MEIOB: variants seen among roughly 807,000 people sequenced by gnomAD.
MEIOB encodes the protein meiosis-specific with OB domain-containing protein.
In MEIOB, 50 loss-of-function variants were observed where a neutral mutation model predicts 53.1. That is an observed-to-expected ratio of 0.94 (90% CI 0.75 to 1.19). MEIOB has a LOEUF of 1.19. MEIOB is among the 50% of genes most tolerant of loss of function. The pLI is 0.00. For missense variants in MEIOB, 551 were observed against 550.8 expected (o/e 1.00, Z 0.00); for synonymous variants, 192 against 182.5 (o/e 1.05, Z -0.42).
At chr16:1,849,747 A>C (rs1899115815) in intron 9 of MEIOB, among the ~76,000 whole-genome samples, 1 of 152,124 alleles carries the variant, frequency 6.6e-6, no homozygotes, top group South Asian at 2.1e-4. Context: ...TGTTTCCTTG[A>C]CAGAATAAAT....
chr16:1,850,962 A>G (rs183507832), intron 9 of MEIOB, among the ~76,000 whole-genome samples: 1 of 152,116 alleles, frequency 6.6e-6, no homozygotes, highest in African/African-American at 2.4e-5. Context: ...TAAATAAACC[A>G]TACATAGTAC....
chr16:1,863,046 T>C (rs902143238), intron 3 of MEIOB, among the ~76,000 whole-genome samples: 1 of 151,960 alleles, frequency 6.6e-6, no homozygotes, highest in Non-Finnish European at 1.5e-5. Flanking sequence ...CTGGGCAACA[T>C]AGAAGGACAC....
intron 3 of MEIOB, 65 bp downstream of exon 3, chr16:1,865,713 T>A: frequency 8.7e-7 from 1 of 1,148,844 alleles, no homozygotes; most frequent in East Asian, 2.6e-5. Context: ...CACTTCAATA[T>A]ACTTTGTTGT....
In MEIOB at chr16:1,872,094, T is replaced by C. The variant is rs1899772727; in HGVS notation, c.-111A>G. On this transcript the variant is annotated 5_prime_UTR_variant, in exon 1 of 14. Coordinates refer to ENST00000325962, the MANE Select transcript of MEIOB (RefSeq NM_001163560.3). ...CCCCGGGTCGCCCGCGCTTCGCGGC[T>C]TCTCCACAGGACGCTCGGGCCACAG... The C allele has an allele frequency of 6.6e-6, 1 of 151,434 alleles. No homozygotes were observed. The highest frequency in any genetic ancestry group is 2.1e-4 in the South Asian group (1 of 4,816). 9.4% of individuals were successfully genotyped at this position (151,434 alleles called of 1,614,324 possible). A position where few individuals can be genotyped will look rare whatever the true frequency, so the allele number is the denominator to read the frequency against.
chr16:1,863,974 G>A (rs1040350075), intron 3 of MEIOB, among the ~76,000 whole-genome samples: 1 of 152,068 alleles, frequency 6.6e-6, no homozygotes, highest in Non-Finnish European at 1.5e-5. Flanking sequence ...GGGCAACAAA[G>A]TGAGACCCTC....
In MEIOB at chr16:1,862,025, G is replaced by A; in HGVS notation, c.219C>T (p.Tyr73=). 6.4e-7 allele frequency: 1 copy of A among 1,551,452 alleles called. No homozygotes were observed. Among genetic ancestry groups the A allele is most frequent in the South Asian group, 1.2e-5 (1 of 84,038 alleles). The change falls in exon 4 of 14, where the codon TAC becomes TAT. Residue 73 remains tyrosine, a synonymous_variant. Transcript: ENST00000325962. ...VNAASWGNED[Y]IKSLSDSFRV... is the part of the protein sequence containing the mutation. The stretch of plus-strand genomic sequence containing the variant: ...TAAAGCTGTCAGAAAGAGACTTGAT[G>A]TAATCTTCATTGCCCCAGGAAGCTG...
intron 9 of MEIOB, among the ~76,000 whole-genome samples, chr16:1,851,720 T>C (rs9921618): frequency 0.13 from 19,700 of 152,222 alleles, 1,286 homozygotes; most frequent in East Asian, 0.17. Context: ...AGTAATTCTA[T>C]CTTTTAAAAA....
chr16:1,853,650 T>C (rs1657117), intron 7 of MEIOB, among the ~76,000 whole-genome samples: 125,888 of 152,168 alleles, frequency 0.83, 52,205 homozygotes, highest in Middle Eastern at 0.9. Context: ...GTTGAAGACA[T>C]TTTTGAAATC....
intron 2 of MEIOB, among the ~76,000 whole-genome samples, chr16:1,867,102 T>A (rs1596986748): frequency 6.6e-6 from 1 of 152,174 alleles, no homozygotes; most frequent in African/African-American, 2.4e-5. Flanking sequence ...AATTTTAAAT[T>A]ATTAAAGTTA....
At chr16:1,871,482 G>A (rs1434391407) in intron 1 of MEIOB, among the ~76,000 whole-genome samples, 1 of 130,614 alleles carries the variant, frequency 7.7e-6, no homozygotes, top group Non-Finnish European at 1.6e-5. Context: ...GCCTCCCAAA[G>A]TGCTGGGATT....
intron 13 of MEIOB, 175 bp downstream of exon 13, chr16:1,837,609 T>C: frequency 2.1e-6 from 1 of 466,078 alleles, no homozygotes; most frequent in East Asian, 3.3e-5. Context: ...CTTTATACAA[T>C]ATGAAAAAAC....
At chr16:1,857,588 T>C (rs1899338136) in intron 6 of MEIOB, 147 bp downstream of exon 6, 1 of 584,690 alleles carries the variant, frequency 1.7e-6, no homozygotes, top group Admixed American at 3.5e-5. Context: ...TAATGAGAAG[T>C]GTTACTGTTT....
At chr16:1,849,785 G>A (rs1002388396) in intron 9 of MEIOB, among the ~76,000 whole-genome samples, 5 of 152,064 alleles carry the variant, frequency 3.3e-5, no homozygotes, top group African/African-American at 7.2e-5. Flanking sequence ...GCTGTACAAC[G>A]TAGTAGCTAT....
rs564902812 is a variant in MEIOB at position 1,846,146 on chromosome 16, G to C, written c.779-1183C>G. ...CAAGTAAAAGGCATTCAAAAATACT[G>C]ATAAGGTCATGGGCGAATGAATGAA... On this transcript the variant is annotated intron_variant, in intron 9 of 13. Coordinates refer to ENST00000325962, the MANE Select transcript of MEIOB (RefSeq NM_001163560.3). 3.3e-5 allele frequency among the ~76,000 whole-genome samples: 5 copies of C among 152,292 alleles called. No individual in the cohort carries two copies. The East Asian group carries it at 9.6e-4, about 29-fold the overall frequency.
At chr16:1,850,792 G>A (rs548278225) in intron 9 of MEIOB, among the ~76,000 whole-genome samples, 4 of 150,312 alleles carry the variant, frequency 2.7e-5, no homozygotes, top group Non-Finnish European at 5.9e-5. Context: ...ATGGTGGCGG[G>A]CGCCTGTAGT....
At chr16:1,834,946 C>CCA (rs1238181996) in intron 13 of MEIOB, among the ~76,000 whole-genome samples, 1 of 129,850 alleles carries the variant, frequency 7.7e-6, no homozygotes, top group East Asian at 2.5e-4. Context: ...CCCCACCCCC[C>CCA]CCCACTAAAA....
intron 6 of MEIOB, among the ~76,000 whole-genome samples, chr16:1,856,511 G>A (rs1352454381): frequency 2.0e-5 from 3 of 152,092 alleles, no homozygotes; most frequent in Non-Finnish European, 4.4e-5. Flanking sequence ...AGTAGAGACG[G>A]GGTTTCACCG....
intron 7 of MEIOB, 110 bp downstream of exon 7, chr16:1,853,990 C>G: frequency 1.5e-6 from 1 of 684,252 alleles, no homozygotes. Context: ...TCATTCATCT[C>G]CTATCATTAT....
At chr16:1,834,600 T>C (rs1898689499) in intron 13 of MEIOB, among the ~76,000 whole-genome samples, 2 of 152,234 alleles carry the variant, frequency 1.3e-5, no homozygotes, top group Non-Finnish European at 2.9e-5. Flanking sequence ...TCACTTTTCA[T>C]GCTATTTCTC....
Sources: allele counts gnomAD v4.1 joint callset (sites outside exome capture counted in the v4.1 genomes callset), GRCh38; gene constraint gnomAD v4.1.1; transcripts MANE v1.5; gene names NCBI Gene and HGNC (gene_info 2026-07-23, HGNC 2026-07-21).